The following GOLGA8B variants were observed in gnomAD, a reference collection of about 807,000 sequenced individuals.
The protein encoded by GOLGA8B is golgin subfamily A member 8B.
Under a neutral mutation model 15.6 loss-of-function variants are expected in GOLGA8B, and 1 was observed. The ratio of observed to expected loss-of-function variants is 0.06; its 90% CI spans 0.02 to 0.30. GOLGA8B has a LOEUF of 0.30. GOLGA8B is among the 10% of genes least tolerant of loss of function. GOLGA8B has a pLI of 1.00. For synonymous variants in GOLGA8B, 9 were observed against 80.3 expected (o/e 0.11, Z 4.75); for missense variants, 17 against 201.3 (o/e 0.08, Z 5.54).
chr15:34,576,849 C>T (rs1377494804), intron 1 of GOLGA8B, among the ~76,000 whole-genome samples: 1 of 152,216 alleles, frequency 6.6e-6, no homozygotes, highest in Non-Finnish European at 1.5e-5. Context: ...GTGTCTGAAA[C>T]CCAGCAGGCA....
At chr15:34,568,946 C>A (rs1241804032) in intron 1 of GOLGA8B, among the ~76,000 whole-genome samples, 2 of 148,150 alleles carry the variant, frequency 1.3e-5, no homozygotes, top group African/African-American at 5.3e-5. Context: ...CGCTTGTGCG[C>A]TCTCTCTCGC....
At position 34,527,606 on chromosome 15, in the gene GOLGA8B, GA is replaced by G; in HGVS notation, c.*25del. The G allele has an allele frequency of 2.4e-6, 3 of 1,269,096 alleles. No individual in the cohort carries two copies. Among genetic ancestry groups the G allele is most frequent in the Non-Finnish European group, 3.3e-6 (3 of 920,382 alleles). The allele number at this position is 1,269,096 out of a possible 1,614,324, so 78.6% of individuals were successfully genotyped here. On this transcript the variant is annotated 3_prime_UTR_variant, in exon 24 of 24. Transcript: ENST00000683415. Reference sequence around the variant, plus strand: ...TTTGTTTCGTTTTTAAAAATTTCTTGAGCAGCTCTTTGATGATGGTGGTGTT... The same window carrying G: ...TTTGTTTCGTTTTTAAAAATTTCTTGGCAGCTCTTTGATGATGGTGGTGTT...
chr15:34,543,230 G>A (rs1361525254), intron 7 of GOLGA8B, among the ~76,000 whole-genome samples: 1 of 124,808 alleles, frequency 8.0e-6, no homozygotes, highest in African/African-American at 3.1e-5. Flanking sequence ...CACCCAGGCT[G>A]GACTGTAGTG....
At chr15:34,578,606 G>A (rs750355866) in intron 1 of GOLGA8B, among the ~76,000 whole-genome samples, 27 of 152,280 alleles carry the variant, frequency 1.8e-4, no homozygotes, top group African/African-American at 5.8e-4. Flanking sequence ...TCCTCGTCGC[G>A]AAGTTAAGAC....
chr15:34,581,907 G>A (rs1365644778), intron 1 of GOLGA8B, among the ~76,000 whole-genome samples: 2 of 152,100 alleles, frequency 1.3e-5, no homozygotes, highest in African/African-American at 4.8e-5. Flanking sequence ...CCACTCCAAG[G>A]GCCCCCCAAC....
chr15:34,575,837 A>G (rs1889062076), intron 1 of GOLGA8B, among the ~76,000 whole-genome samples: 1 of 152,178 alleles, frequency 6.6e-6, no homozygotes. Flanking sequence ...AACCCCTTCC[A>G]TGCCCTCCCT....
intron 1 of GOLGA8B, among the ~76,000 whole-genome samples, chr15:34,559,597 A>AGAGATT (rs1566933289): frequency 1.1e-5 from 1 of 90,386 alleles, no homozygotes; most frequent in African/African-American, 4.9e-5. Context: ...AGAGAGAGAG[A>AGAGATT]GATTGATTGA....
At chr15:34,575,319 TC>T (rs1889043045) in intron 1 of GOLGA8B, among the ~76,000 whole-genome samples, 3 of 137,948 alleles carry the variant, frequency 2.2e-5, no homozygotes, top group African/African-American at 8.4e-5. Context: ...TGCTCATACC[TC>T]CCCACACCCT....
chr15:34,576,925 G>A (rs919534905), intron 1 of GOLGA8B, among the ~76,000 whole-genome samples: 2 of 152,076 alleles, frequency 1.3e-5, no homozygotes, highest in African/African-American at 4.8e-5. Flanking sequence ...TCCTGTAGCA[G>A]AACAGTTGCA....
Position 34,525,700 on chromosome 15 carries a change from A to G in GOLGA8B, c.*1932T>C, listed in dbSNP as rs1400716995. The G allele has an allele frequency of 6.7e-6, 1 of 149,940 alleles. No homozygotes were observed. Among genetic ancestry groups the G allele is most frequent in the African/African-American group, 2.5e-5 (1 of 40,492 alleles). The allele number at this position is 149,940 out of a possible 1,614,324, so 9.3% of individuals were successfully genotyped here. ...TATTATTCTGAAACTGGGTTTATCT[A>G]ATACATTGATAAATTCATACAATTC... On this transcript the variant is annotated 3_prime_UTR_variant, in exon 24 of 24. Transcript: ENST00000683415.
chr15:34,551,548 CTTCT>C lies in GOLGA8B; in HGVS notation c.-713-276_-713-273del, dbSNP rs961270535. Among the ~76,000 whole-genome samples the C allele has an allele frequency of 5.5e-5, 4 of 72,894 alleles. 1 individual carries two copies. The highest frequency in any genetic ancestry group is 3.0e-4 in the East Asian group (1 of 3,348). 47.8% of individuals were successfully genotyped at this position (72,894 alleles called of 152,430 possible). On this transcript the variant is annotated intron_variant, in intron 3 of 23. Coordinates refer to ENST00000683415, the MANE Select transcript of GOLGA8B (RefSeq NM_001023567.5). ...AAATAAGCCATCATTTATTTATTTA[CTTCT>C]TTAATTTTTATTTCCTTTTTTAAAA...
intron 1 of GOLGA8B, among the ~76,000 whole-genome samples, chr15:34,576,382 A>T (rs894472889): frequency 7.9e-5 from 12 of 152,144 alleles, no homozygotes; most frequent in Non-Finnish European, 1.3e-4. Context: ...GAAGCTGAAA[A>T]CTGCGAAAGC....
rs1888053927 is a variant in GOLGA8B at position 34,526,327 on chromosome 15, C to A, written c.*1305G>T. ...TGTCTACTAAAATTCCTTTTTGTTT[C>A]AACTAAGTACTCTCACATATATTAG... On this transcript the variant is annotated 3_prime_UTR_variant, in exon 24 of 24. Transcript: ENST00000683415. 6.7e-6 allele frequency: 1 copy of A among 149,472 alleles called. No individual in the cohort carries two copies. The highest frequency in any genetic ancestry group is 2.1e-4 in the South Asian group (1 of 4,658). 9.3% of individuals were successfully genotyped at this position (149,472 alleles called of 1,614,324 possible).
rs1300950932 is a variant in GOLGA8B, at chr15:34,564,929, G to A, written c.-1122-10973C>T. Among the ~76,000 whole-genome samples, 8 of 143,810 alleles carry A rather than the reference G, an allele frequency of 5.6e-5. 2 individuals are homozygous for A. Among genetic ancestry groups the A allele is most frequent in the South Asian group, 4.3e-4 (2 of 4,620 alleles). The allele number at this position is 143,810 out of a possible 152,430, so 94.3% of individuals were successfully genotyped here. A position where few individuals can be genotyped will look rare whatever the true frequency, so the allele number is the denominator to read the frequency against. On this transcript the variant is annotated intron_variant, in intron 1 of 23. Transcript: ENST00000683415. ...CATGGCACATTTGTGGTTAAGAAAC[G>A]TCTTCCTTGCTTCCTTGTGGCCTTG...
chr15:34,525,447 A>C lies in GOLGA8B; in HGVS notation c.*2185T>G, dbSNP rs1259433378. The C allele has an allele frequency of 6.7e-6, 1 of 150,004 alleles. No homozygotes were observed. Among genetic ancestry groups the C allele is most frequent in the African/African-American group, 2.5e-5 (1 of 40,538 alleles). The allele number at this position is 150,004 out of a possible 1,614,324, so 9.3% of individuals were successfully genotyped here. ...GAAAACTTGGCAAACAAAGCTTTGG[A>C]CTGGAATTGGCATTTCTTTCTCTAC... is the stretch of plus-strand genomic sequence containing the variant. On this transcript the variant is annotated 3_prime_UTR_variant, in exon 24 of 24. Coordinates refer to ENST00000683415, the MANE Select transcript of GOLGA8B (RefSeq NM_001023567.5).
At chr15:34,573,438 G>A (rs1888977116) in intron 1 of GOLGA8B, among the ~76,000 whole-genome samples, 1 of 150,468 alleles carries the variant, frequency 6.6e-6, no homozygotes, top group Non-Finnish European at 1.5e-5. Flanking sequence ...TCGGGAGGCT[G>A]AGGAAGGAGA....
chr15:34,525,595 T>C lies in GOLGA8B; in HGVS notation c.*2037A>G, dbSNP rs879649262. 4 of 149,900 alleles carry C rather than the reference T, an allele frequency of 2.7e-5. No homozygotes were observed. The highest frequency in any genetic ancestry group is 5.9e-5 in the Non-Finnish European group (4 of 67,274). 9.3% of individuals were successfully genotyped at this position (149,900 alleles called of 1,614,324 possible). A position where few individuals can be genotyped will look rare whatever the true frequency, so the allele number is the denominator to read the frequency against. On this transcript the variant is annotated 3_prime_UTR_variant, in exon 24 of 24. Coordinates refer to ENST00000683415, the MANE Select transcript of GOLGA8B (RefSeq NM_001023567.5). ...AATATTTATATTATTTTAAAATGAC[T>C]CTTTAGGATACAGTTTTAAACCCAC...
At chr15:34,572,506 G>A (rs58595349) in intron 1 of GOLGA8B, among the ~76,000 whole-genome samples, 54,913 of 151,672 alleles carry the variant, frequency 0.36, 10,217 homozygotes, top group Admixed American at 0.45. Context: ...CACAGCTGGT[G>A]AGCGGATCGA....
At chr15:34,527,876 C>T (rs375884987) in intron 23 of GOLGA8B, 42 bp from the exon 24 acceptor site, 573 of 1,556,166 alleles carry the variant, frequency 3.7e-4, no homozygotes, top group Non-Finnish European at 4.7e-4. Flanking sequence ...GAGTGCTAGC[C>T]GCCCCCCGCT....
Sources: gnomAD v4.1 joint callset for allele counts (sites outside exome capture counted in the v4.1 genomes callset) on GRCh38, gnomAD v4.1.1 for gene constraint, MANE v1.5 for transcripts, NCBI Gene and HGNC (gene_info 2026-07-23, HGNC 2026-07-21) for gene names.